Variants in COMMD2 observed in about 807,000 individuals in gnomAD.
The protein encoded by COMMD2 is COMM domain containing 2, also known as COMM domain-containing protein 2.
Under a neutral mutation model 22.5 loss-of-function variants are expected in COMMD2, and 25 were observed. The ratio of observed to expected loss-of-function variants is 1.11; its 90% CI spans 0.81 to 1.55. The LOEUF (loss-of-function observed/expected upper bound fraction) is 1.55. Among genes scored for constraint, COMMD2 ranks in the 40% most tolerant of loss-of-function variants. The pLI is 0.00. For synonymous variants in COMMD2, 98 were observed against 91.2 expected (o/e 1.07, Z -0.42); for missense variants, 223 against 232.9 (o/e 0.96, Z 0.28).
At position 149,752,376 on chromosome 3, in the gene COMMD2, A is replaced by G. The variant is rs1559856694; in HGVS notation, c.67+2T>C. On this transcript the variant is annotated splice_donor_variant, in intron 1 of 4. Coordinates refer to ENST00000473414, the MANE Select transcript of COMMD2 (RefSeq NM_016094.4). LOFTEE classifies it high-confidence loss of function. ...CAGAACACCGCCCCCACGCCCGCTG[A>G]CCCGCGCTGTCCACTTGAGGCAGGA... is the stretch of plus-strand genomic sequence containing the variant. 1 of 1,614,066 alleles carries G rather than the reference A, an allele frequency of 6.2e-7. No individual in the cohort carries two copies. Among genetic ancestry groups the G allele is most frequent in the South Asian group, 1.1e-5 (1 of 91,078 alleles).
intron 4 of COMMD2, among the ~76,000 whole-genome samples, chr3:149,742,350 A>G (rs1331234173): frequency 6.6e-6 from 1 of 152,246 alleles, no homozygotes; most frequent in Non-Finnish European, 1.5e-5. Context: ...AAGCGATGAG[A>G]AAATCACTTT....
rs1716147711 is a variant in COMMD2, at chr3:149,739,361, T to C, written c.*2160A>G. On this transcript the variant is annotated 3_prime_UTR_variant, in exon 5 of 5. Transcript: ENST00000473414. ...TTATTCAATGGCTTGTACTAAAAGATAAGCCCCAGATTCTAAAAGAAGGTA... is the reference window on the plus strand; with the variant it reads ...TTATTCAATGGCTTGTACTAAAAGACAAGCCCCAGATTCTAAAAGAAGGTA... 1 of 152,182 alleles carries C rather than the reference T, an allele frequency of 6.6e-6. No individual in the cohort carries two copies. The highest frequency in any genetic ancestry group is 2.4e-5 in the African/African-American group (1 of 41,446). The allele number at this position is 152,182 out of a possible 1,614,324, so 9.4% of individuals were successfully genotyped here. A position where few individuals can be genotyped will look rare whatever the true frequency, so the allele number is the denominator to read the frequency against.
intron 4 of COMMD2, among the ~76,000 whole-genome samples, chr3:149,749,176 A>G (rs1716457063): frequency 6.6e-6 from 1 of 152,088 alleles, no homozygotes; most frequent in African/African-American, 2.4e-5. Context: ...CACCATGCCC[A>G]GCTAATTTTT....
intron 4 of COMMD2, among the ~76,000 whole-genome samples, chr3:149,742,535 C>T (rs1716261790): frequency 6.6e-6 from 1 of 150,810 alleles, no homozygotes; most frequent in South Asian, 2.1e-4. Context: ...TACTAAATGG[C>T]AGAGAAAAGA....
At chr3:149,751,222 G>A (rs1403541769) in intron 3 of COMMD2, 181 bp downstream of exon 3, 1 of 845,498 alleles carries the variant, frequency 1.2e-6, no homozygotes, top group East Asian at 2.7e-5. Context: ...ATACTAGCAA[G>A]AGGTATTCAT....
At chr3:149,750,458 G>T in intron 4 of COMMD2, 2 of 524,204 alleles carry the variant, frequency 3.8e-6, no homozygotes, top group Non-Finnish European at 3.5e-6. Context: ...TCTCCTTTTC[G>T]AAAATAACCA....
In COMMD2 at chr3:149,741,392, T is replaced by C. The variant is rs1181536231; in HGVS notation, c.*129A>G. 4 of 780,442 alleles carry C rather than the reference T, an allele frequency of 5.1e-6. No homozygotes were observed. The highest frequency in any genetic ancestry group is 1.8e-5 in the African/African-American group (1 of 57,136). The allele number at this position is 780,442 out of a possible 1,614,324, so 48.3% of individuals were successfully genotyped here. On this transcript the variant is annotated 3_prime_UTR_variant, in exon 5 of 5. Coordinates refer to ENST00000473414, the MANE Select transcript of COMMD2 (RefSeq NM_016094.4). ...AGCTTCTGATTATGACCTCAGTATC[T>C]TGGAATAGATACTGAGGAATACTAT... is the stretch of plus-strand genomic sequence containing the variant.
chr3:149,751,831 C>CTT lies in COMMD2; in HGVS notation c.146-348_146-347dup, dbSNP rs11354448. The CTT allele has an allele frequency of 2.7e-3, 530 of 196,704 alleles. 3 individuals carry two copies. Among genetic ancestry groups the CTT allele is most frequent in the East Asian group, 0.014 (121 of 8,604 alleles). 12.2% of individuals were successfully genotyped at this position (196,704 alleles called of 1,614,324 possible). A position where few individuals can be genotyped will look rare whatever the true frequency, so the allele number is the denominator to read the frequency against. On this transcript the variant is annotated intron_variant, in intron 2 of 4. Coordinates refer to ENST00000473414, the MANE Select transcript of COMMD2 (RefSeq NM_016094.4). The stretch of plus-strand genomic sequence containing the variant: ...CCTCTTACCCAGGGGTAAAACAACA[C>CTT]TTTTTTTTTTTTTTTTAGCAAAAGC...
chr3:149,751,107 G>A (rs1716516666), intron 3 of COMMD2, among the ~76,000 whole-genome samples: 1 of 152,082 alleles, frequency 6.6e-6, no homozygotes. Context: ...CTGCTGATAC[G>A]CAAACAAAAT....
intron 3 of COMMD2, 59 bp downstream of exon 3, chr3:149,751,344 G>A (rs1388899635): frequency 6.2e-7 from 1 of 1,612,524 alleles, no homozygotes; most frequent in South Asian, 1.1e-5. Flanking sequence ...ATGATGTAGA[G>A]TACACCAGAC....
At position 149,751,612 on chromosome 3, in the gene COMMD2, G is replaced by A. The variant is rs375400333; in HGVS notation, c.146-127C>T. The A allele has an allele frequency of 3.7e-4, 304 of 816,134 alleles. 4 individuals are homozygous for A. The East Asian group carries it at 7.7e-3, about 21-fold the overall frequency. 50.6% of individuals were successfully genotyped at this position (816,134 alleles called of 1,614,324 possible). On this transcript the variant is annotated intron_variant, in intron 2 of 4. Transcript: ENST00000473414. ...TCAAACACTGCATGAAAAACAGTAAGTTGGCCAGAGGCTCCTGCTCCTTGT... is the reference window on the plus strand; with the variant it reads ...TCAAACACTGCATGAAAAACAGTAAATTGGCCAGAGGCTCCTGCTCCTTGT...
chr3:149,748,620 T>C (rs1187732442), intron 4 of COMMD2, among the ~76,000 whole-genome samples: 5 of 152,238 alleles, frequency 3.3e-5, no homozygotes, highest in African/African-American at 9.6e-5. Context: ...AAACCCTTTC[T>C]ATAAAGAACG....
rs1321442248 is a variant in COMMD2, at chr3:149,752,364, C to T, written c.67+14G>A. 6.2e-7 allele frequency: 1 copy of T among 1,614,158 alleles called. No individual in the cohort carries two copies. On this transcript the variant is annotated intron_variant, in intron 1 of 4. Coordinates refer to ENST00000473414, the MANE Select transcript of COMMD2 (RefSeq NM_016094.4). Reference sequence around the variant, plus strand: ...CTCCCCAGCCCACAGAACACCGCCCCCACGCCCGCTGACCCGCGCTGTCCA... The same window carrying T: ...CTCCCCAGCCCACAGAACACCGCCCTCACGCCCGCTGACCCGCGCTGTCCA...
chr3:149,750,900 TA>T (rs760576903), intron 3 of COMMD2, 49 bp from the exon 4 acceptor site: 7 of 1,230,600 alleles, frequency 5.7e-6, no homozygotes, highest in East Asian at 4.9e-5. Flanking sequence ...TTTGTCTAGC[TA>T]AAATAATTGA....
chr3:149,752,288 C>T lies in COMMD2; in HGVS notation c.68-1G>A, dbSNP rs1259232019. On this transcript the variant is annotated splice_acceptor_variant, in intron 1 of 4. Transcript: ENST00000473414. LOFTEE classifies it high-confidence loss of function. ...GCAATCCGCCCAAACTCGGCGACCA[C>T]TGCAATGAAAGTCAGAAGGCTGTTG... 1 of 1,614,136 alleles carries T rather than the reference C, an allele frequency of 6.2e-7. No homozygotes were observed. The highest frequency in any genetic ancestry group is 8.5e-7 in the Non-Finnish European group (1 of 1,179,970).
chr3:149,744,332 G>T (rs1716310466), intron 4 of COMMD2, among the ~76,000 whole-genome samples: 1 of 152,168 alleles, frequency 6.6e-6, no homozygotes, highest in African/African-American at 2.4e-5. Flanking sequence ...GTTCCTAAAA[G>T]AATTCAGTTC....
At position 149,752,476 on chromosome 3, in the gene COMMD2, C is replaced by G. The variant is rs745747875; in HGVS notation, c.-32G>C. 1 of 1,591,696 alleles carries G rather than the reference C, an allele frequency of 6.3e-7. No individual in the cohort carries two copies. Among genetic ancestry groups the G allele is most frequent in the Admixed American group, 1.8e-5 (1 of 56,918 alleles). ...TGTCCTACGATTTCACCCGGCAGCG[C>G]CGACCCCGCCTTCGCCACTTCCGGC... On this transcript the variant is annotated 5_prime_UTR_variant, in exon 1 of 5. Transcript: ENST00000473414.
chr3:149,752,391 T>G lies in COMMD2; in HGVS notation c.54A>C (p.Gln18His), dbSNP rs754408116. 4 of 1,614,016 alleles carry G rather than the reference T, an allele frequency of 2.5e-6. No homozygotes were observed. The highest frequency in any genetic ancestry group is 1.3e-5 in the African/African-American group (1 of 74,918). The change falls in exon 1 of 5, where the codon CAA becomes CAC. Residue 18 changes from glutamine to histidine, a missense_variant. Gln to His is a conservative substitution (Grantham distance 24). Transcript: ENST00000473414. ...ACGCCCGCTGACCCGCGCTGTCCAC[T>G]TGAGGCAGGAAGGCCAGGTGTTCCT... ...EHKEHLAFLPQVDSAVVAEFG... is the reference protein window; with the variant it reads ...EHKEHLAFLPHVDSAVVAEFG...
In COMMD2 at chr3:149,742,979, A is replaced by G. The variant is rs201754824; in HGVS notation, c.403-1261T>C. Among the ~76,000 whole-genome samples, 1,089 of 139,522 alleles carry G rather than the reference A, an allele frequency of 7.8e-3. 29 individuals are homozygous for G. The highest frequency in any genetic ancestry group is 0.063 in the South Asian group (293 of 4,686). The allele number at this position is 139,522 out of a possible 152,430, so 91.5% of individuals were successfully genotyped here. On this transcript the variant is annotated intron_variant, in intron 4 of 4. Transcript: ENST00000473414. ...AGACTCTATCTCAAAAAAAAAAAAA[A>G]AAGAAAAAGAAAAAGAAAAAGAAAA...
Sources: allele counts gnomAD v4.1 joint callset (sites outside exome capture counted in the v4.1 genomes callset), GRCh38; gene constraint gnomAD v4.1.1; transcripts MANE v1.5; gene names NCBI Gene and HGNC (gene_info 2026-07-23, HGNC 2026-07-21).